The following AGR3 variants were observed in gnomAD, a reference collection of about 807,000 sequenced individuals.
AGR3 encodes anterior gradient protein 3.
Under a neutral mutation model 24.5 loss-of-function variants are expected in AGR3, and 37 were observed. The ratio of observed to expected loss-of-function variants is 1.51; its 90% confidence interval spans 1.16 to 1.99. AGR3 has a LOEUF of 1.99. Ranked by LOEUF, AGR3 falls within the 30% of genes most tolerant of loss-of-function variation. The probability of loss-of-function intolerance (pLI) is 0.00; values close to 1 mark genes in which losing one functional copy is unlikely to be tolerated. For missense variants in AGR3, 228 were observed against 191.1 expected, an observed-to-expected ratio of 1.19 and a Z score of -1.14; for synonymous variants, 75 against 61.6, an observed-to-expected ratio of 1.22 and a Z score of -1.02.
chr7:16,875,163 T>A (rs1781961977), intron 2 of AGR3, among the ~76,000 whole-genome samples: 1 of 151,892 alleles, frequency 6.6e-6, no homozygotes, highest in South Asian at 2.1e-4. Flanking sequence ...TTTTTCAGTA[T>A]ATCCACGAAG....
chr7:16,867,480 A>C (rs959848873), intron 3 of AGR3, among the ~76,000 whole-genome samples: 1 of 152,330 alleles, frequency 6.6e-6, no homozygotes, highest in South Asian at 2.1e-4. Context: ...GCTATTTAAC[A>C]TATTCATCAT....
chr7:16,878,043 C>T (rs1195971144), intron 2 of AGR3, among the ~76,000 whole-genome samples: 2 of 151,898 alleles, frequency 1.3e-5, no homozygotes, highest in East Asian at 3.8e-4. Context: ...ATAGCAAAGA[C>T]TTAGTTACCC....
intron 4 of AGR3, 42 bp from the exon 5 acceptor site, chr7:16,862,102 A>G: frequency 7.0e-7 from 1 of 1,436,428 alleles, no homozygotes; most frequent in Middle Eastern, 1.8e-4. Flanking sequence ...TTAAGGATCA[A>G]GAGACCTTTA....
At chr7:16,872,395 G>A (rs1306770281) in intron 3 of AGR3, among the ~76,000 whole-genome samples, 1 of 152,172 alleles carries the variant, frequency 6.6e-6, no homozygotes, top group Admixed American at 6.5e-5. Flanking sequence ...GGAAAACCTG[G>A]ATATCCATAT....
chr7:16,861,281 C>T (rs1250675814), intron 6 of AGR3, 103 bp downstream of exon 6: 2 of 825,104 alleles, frequency 2.4e-6, no homozygotes, highest in Non-Finnish European at 3.7e-6. Context: ...GAAATGACTT[C>T]TCTTTAAAAA....
At position 16,875,230 on chromosome 7, in the gene AGR3, C is replaced by G. The variant is rs530172580; in HGVS notation, c.110-1387G>C. ...CATTTTCATCTCCTCAAAAAGAAAC[C>G]CTATACCATTTAGCTATCACCTGCT... On this transcript the variant is annotated intron_variant, in intron 2 of 7. Transcript: ENST00000310398. Among the ~76,000 whole-genome samples the G allele has an allele frequency of 6.6e-5, 10 of 152,200 alleles. No homozygotes were observed. In the East Asian group the frequency reaches 1.9e-3, roughly 29 times the overall value.
At chr7:16,862,758 C>A (rs1350923701) in intron 3 of AGR3, 96 bp from the exon 4 acceptor site, 3 of 766,520 alleles carry the variant, frequency 3.9e-6, no homozygotes, top group Non-Finnish European at 6.3e-6. Flanking sequence ...TTCAATAAGG[C>A]TTACAGTAGT....
At chr7:16,860,437 G>C (rs576122681) in intron 7 of AGR3, 63 bp downstream of exon 7, 1 of 1,218,850 alleles carries the variant, frequency 8.2e-7, no homozygotes, top group South Asian at 1.2e-5. Context: ...GGCTTCACTA[G>C]CCCTTAACAA....
intron 1 of AGR3, among the ~76,000 whole-genome samples, chr7:16,881,588 G>A (rs74386362): frequency 0.014 from 2,089 of 152,152 alleles, 45 homozygotes; most frequent in African/African-American, 0.048. Flanking sequence ...TATGACATTA[G>A]TATTTTATTT....
intron 3 of AGR3, among the ~76,000 whole-genome samples, chr7:16,869,007 C>G (rs7804082): frequency 2.0e-4 from 31 of 151,968 alleles, no homozygotes; most frequent in African/African-American, 6.8e-4. Context: ...GCTATGAGAA[C>G]GTATCTTCTC....
intron 2 of AGR3, among the ~76,000 whole-genome samples, chr7:16,875,794 G>C (rs559517289): frequency 6.6e-6 from 1 of 152,026 alleles, no homozygotes; most frequent in South Asian, 2.1e-4. Flanking sequence ...TCTCTTGTTA[G>C]TTTAATGCCA....
At chr7:16,877,306 A>G (rs1431967842) in intron 2 of AGR3, among the ~76,000 whole-genome samples, 1 of 135,384 alleles carries the variant, frequency 7.4e-6, no homozygotes. Context: ...TATATAGTAT[A>G]TATAATATAT....
chr7:16,867,984 A>T (rs2115305879), intron 3 of AGR3, among the ~76,000 whole-genome samples: 1 of 152,254 alleles, frequency 6.6e-6, no homozygotes, highest in East Asian at 1.9e-4. Flanking sequence ...TCCCACCAAC[A>T]GTGTAAAAGG....
chr7:16,872,418 A>G, intron 3 of AGR3, among the ~76,000 whole-genome samples: 1 of 152,304 alleles, frequency 6.6e-6, no homozygotes, highest in East Asian at 1.9e-4. Flanking sequence ...AGAAGAATGA[A>G]ACTAGACTCC....
rs144833443 is a variant in AGR3 at position 16,860,499 on chromosome 7, C to A, written c.451+1G>T. 23 of 1,608,324 alleles carry A rather than the reference C, an allele frequency of 1.4e-5. No individual in the cohort carries two copies. The African/African-American group carries it at 1.5e-4, about 10-fold the overall frequency. On this transcript the variant is annotated splice_donor_variant, in intron 7 of 7. Coordinates refer to ENST00000310398, the MANE Select transcript of AGR3 (RefSeq NM_176813.5). LOFTEE classifies it high-confidence loss of function. ...GTTTGAGATCATTTGTGAATACTTA[C>A]ATAGGGGTAAATCCCGAGGCTCATA...
intron 6 of AGR3, among the ~76,000 whole-genome samples, chr7:16,861,135 TG>T (rs2115298585): frequency 6.6e-6 from 1 of 152,348 alleles, no homozygotes; most frequent in African/African-American, 2.4e-5. Context: ...CAATCTAGTC[TG>T]GGGCACTGTG....
intron 1 of AGR3, among the ~76,000 whole-genome samples, chr7:16,880,321 C>T (rs968684923): frequency 7.9e-5 from 12 of 151,678 alleles, no homozygotes; most frequent in Non-Finnish European, 1.0e-4. Flanking sequence ...CCATCATGCC[C>T]GGCTAATTTT....
downstream of AGR3, among the ~76,000 whole-genome samples, chr7:16,854,776 G>A (rs1781533060): frequency 6.6e-6 from 1 of 152,178 alleles, no homozygotes; most frequent in Non-Finnish European, 1.5e-5. Context: ...GGGCTGTGAA[G>A]GAGAATCTTT....
intron 3 of AGR3, among the ~76,000 whole-genome samples, chr7:16,862,938 G>C (rs1031103528): frequency 3.9e-5 from 6 of 152,212 alleles, no homozygotes; most frequent in African/African-American, 1.4e-4. Flanking sequence ...GGGCACAGTG[G>C]TGTGAGCCTG....
Sources: gnomAD v4.1 joint callset for allele counts (sites outside exome capture counted in the v4.1 genomes callset) on GRCh38, gnomAD v4.1.1 for gene constraint, MANE v1.5 for transcripts, NCBI Gene and HGNC (gene_info 2026-07-23, HGNC 2026-07-21) for gene names.